The following ARHGAP21 variants were observed in gnomAD, a reference collection of about 807,000 sequenced individuals.
The protein encoded by ARHGAP21 is rho GTPase-activating protein 21.
ARHGAP21 carries 38 observed loss-of-function variants against 164.6 expected under a neutral mutation model. That is an observed-to-expected ratio of 0.23 (90% CI 0.18 to 0.30). The LOEUF is 0.30. Among genes scored for constraint, ARHGAP21 ranks in the 10% least tolerant of loss-of-function variants. The probability of loss-of-function intolerance (pLI) is 1.00; values close to 1 mark genes in which losing one functional copy is unlikely to be tolerated. For synonymous variants in ARHGAP21, 766 were observed against 857.9 expected (o/e 0.89, Z 1.87); for missense variants, 1,822 against 2,370.7 (o/e 0.77, Z 4.81).
At chr10:24,642,864 C>A (rs947653763) in intron 4 of ARHGAP21, among the ~76,000 whole-genome samples, 2 of 152,142 alleles carry the variant, frequency 1.3e-5, no homozygotes, top group African/African-American at 4.8e-5. Context: ...CTCCAGCACA[C>A]AGAACACTGC....
At chr10:24,660,205 T>C (rs1311223984) in intron 4 of ARHGAP21, among the ~76,000 whole-genome samples, 5 of 151,692 alleles carry the variant, frequency 3.3e-5, no homozygotes, top group Admixed American at 3.3e-4. Context: ...GAAACTCAAA[T>C]AGTTTAAATG....
In ARHGAP21 at chr10:24,600,937, A is replaced by G; in HGVS notation, c.2848-7T>C. 6.2e-7 allele frequency: 1 copy of G among 1,607,752 alleles called. No homozygotes were observed. Among genetic ancestry groups the G allele is most frequent in the Non-Finnish European group, 8.5e-7 (1 of 1,175,238 alleles). ...GAATACTTCCACCAACTCGCTAGAAAACATGCGACAGTTCTTTAATAGTCA... is the reference window on the plus strand; with the variant it reads ...GAATACTTCCACCAACTCGCTAGAAGACATGCGACAGTTCTTTAATAGTCA... On this transcript the variant is annotated splice_polypyrimidine_tract_variant and splice_region_variant and intron_variant, in intron 13 of 25. Coordinates refer to ENST00000396432, the MANE Select transcript of ARHGAP21 (RefSeq NM_020824.4).
chr10:24,708,428 A>G lies in ARHGAP21; in HGVS notation c.63+13409T>C, dbSNP rs1844449630. Reference sequence around the variant, plus strand: ...CTGGCTGATCCCATGGCTCAACTCTATTATTATTATTTGTACAAATTTATG... The same window carrying G: ...CTGGCTGATCCCATGGCTCAACTCTGTTATTATTATTTGTACAAATTTATG... On this transcript the variant is annotated intron_variant, in intron 2 of 25. Coordinates refer to ENST00000396432, the MANE Select transcript of ARHGAP21 (RefSeq NM_020824.4). 3.9e-5 allele frequency among the ~76,000 whole-genome samples: 6 copies of G among 152,232 alleles called. No individual in the cohort carries two copies. In the South Asian group the frequency reaches 1.2e-3, roughly 32 times the overall value.
At chr10:24,675,027 A>G (rs373009509) in intron 2 of ARHGAP21, among the ~76,000 whole-genome samples, 2 of 152,222 alleles carry the variant, frequency 1.3e-5, no homozygotes, top group African/African-American at 4.8e-5. Context: ...ACAGTCTGAC[A>G]GTTTCTTAAG....
intron 3 of ARHGAP21, among the ~76,000 whole-genome samples, chr10:24,668,283 T>A (rs1840383771): frequency 6.6e-6 from 1 of 152,142 alleles, no homozygotes; most frequent in African/African-American, 2.4e-5. Context: ...ACGAGAAAAA[T>A]TAATTCCCCA....
At chr10:24,700,239 C>T (rs1257313225) in intron 2 of ARHGAP21, among the ~76,000 whole-genome samples, 2 of 152,188 alleles carry the variant, frequency 1.3e-5, no homozygotes, top group Non-Finnish European at 2.9e-5. Flanking sequence ...TCTGCTCATC[C>T]CATATGCACC....
intron 4 of ARHGAP21, among the ~76,000 whole-genome samples, chr10:24,646,135 T>C (rs1262455622): frequency 6.6e-6 from 1 of 152,248 alleles, no homozygotes; most frequent in African/African-American, 2.4e-5. Context: ...TATTCTGTTT[T>C]TATAGCAAAG....
rs753880080 is a variant in ARHGAP21 at position 24,619,517 on chromosome 10, C to T, written c.2378G>A (p.Ser793Asn). 2 of 1,614,098 alleles carry T rather than the reference C, an allele frequency of 1.2e-6. No individual in the cohort carries two copies. The highest frequency in any genetic ancestry group is 1.7e-6 in the Non-Finnish European group (2 of 1,180,024). ...CAAAGAATCGCCAGGCGGACTGGTACTCGAGGCTTTTCTTTCCTCCATTCT... is the reference window on the plus strand; with the variant it reads ...CAAAGAATCGCCAGGCGGACTGGTATTCGAGGCTTTTCTTTCCTCCATTCT... The part of the protein sequence containing the change: ...IKRMEERKAS[S>N]TSPPGDSLAS... The change falls in exon 9 of 26, where the codon AGT becomes AAT. Residue 793 changes from serine (S) to asparagine (N), a missense_variant. Ser to Asn is a conservative substitution (Grantham distance 46). Transcript: ENST00000396432.
At position 24,585,333 on chromosome 10, in the gene ARHGAP21, C is replaced by T. The variant is rs1564942209; in HGVS notation, c.4956G>A (p.Arg1652=). ...PVFPTALTSE[R]LFRGKLQEVT... is the part of the protein sequence containing the mutation. ...CTTCTTGCAGTTTTCCTCGGAAAAG[C>T]CTCTCTGAAGTCAAGGCTGTGGGGA... is the stretch of plus-strand genomic sequence containing the variant. The change falls in exon 26 of 26, where the codon AGG becomes AGA. Residue 1652 remains arginine (R), a synonymous_variant. Transcript: ENST00000396432. The T allele has an allele frequency of 1.2e-6, 2 of 1,613,136 alleles. No homozygotes were observed. Among genetic ancestry groups the T allele is most frequent in the South Asian group, 2.2e-5 (2 of 91,074 alleles).
At chr10:24,662,509 T>C (rs1839807976) in intron 4 of ARHGAP21, among the ~76,000 whole-genome samples, 1 of 152,184 alleles carries the variant, frequency 6.6e-6, no homozygotes. Flanking sequence ...GATAAAAATA[T>C]GTATTATGAT....
rs61758699 is a variant in ARHGAP21, at chr10:24,619,599, C to T, written c.2296G>A (p.Gly766Arg). Reference sequence around the variant, plus strand: ...GGCAGCCAGCAGGTAGTGTCTGACCCGGTCTCCTGGTCATTTACTGCCAAG... The same window carrying T: ...GGCAGCCAGCAGGTAGTGTCTGACCTGGTCTCCTGGTCATTTACTGCCAAG... ...YILAVNDQETGSDTTCWLPND... is the reference protein window; with the variant it reads ...YILAVNDQETRSDTTCWLPND... Residue 766 changes from glycine (G) to arginine (R), a missense_variant, in exon 9 of 26, where the codon GGG (glycine) becomes AGG (arginine). Gly to Arg is a moderately radical substitution (Grantham distance 125). Transcript: ENST00000396432. 9,377 of 1,614,100 alleles carry T rather than the reference C, an allele frequency of 5.8e-3. 25 individuals are homozygous for T. The highest frequency in any genetic ancestry group is 7.1e-3 in the Non-Finnish European group (8,429 of 1,179,996).
rs370000857 is a variant in ARHGAP21 at position 24,585,862 on chromosome 10, T to C, written c.4427A>G (p.Glu1476Gly). The C allele has an allele frequency of 6.0e-5, 97 of 1,613,928 alleles. No homozygotes were observed. Among genetic ancestry groups the C allele is most frequent in the Non-Finnish European group, 8.1e-5 (96 of 1,179,906 alleles). Residue 1476 changes from glutamate (E) to glycine (G), a missense_variant, in exon 26 of 26, where the codon GAA (glutamate) becomes GGA (glycine). By Grantham distance (98) the Glu-to-Gly change is moderately conservative (BLOSUM62 -2). This residue lies in a region of ARHGAP21 where 333 missense variants were observed against 383.9 expected (regional missense o/e 0.87). Transcript: ENST00000396432. Reference protein sequence around the residue: ...GRKQKIIIAKENSTRKDPSTT... With the variant: ...GRKQKIIIAKGNSTRKDPSTT... ...GCTGGGGTCTTTCCTAGTGCTGTTT[T>C]CTTTGGCAATGATGATCTTCTGTTT...
At chr10:24,596,515 C>A in intron 17 of ARHGAP21, 1 of 596,494 alleles carries the variant, frequency 1.7e-6, no homozygotes, top group Non-Finnish European at 2.8e-6. Flanking sequence ...TTCTTACAGA[C>A]CATTTCAGAC....
rs552050962 is a variant in ARHGAP21 at position 24,613,671 on chromosome 10, C to T, written c.2423-5768G>A. ...ATGGCAAGATGGCAGTCAGTGCTGA[C>T]GATGAGGGAGTGGAGTTGTAAATCC... On this transcript the variant is annotated intron_variant, in intron 9 of 25. Coordinates refer to ENST00000396432, the MANE Select transcript of ARHGAP21 (RefSeq NM_020824.4). Among the ~76,000 whole-genome samples the T allele has an allele frequency of 1.1e-3, 169 of 152,184 alleles. 1 individual carries two copies. The highest frequency in any genetic ancestry group is 2.2e-3 in the Non-Finnish European group (147 of 68,002).
At chr10:24,592,155 G>GTT in intron 21 of ARHGAP21, 143 bp from the exon 22 acceptor site, 1 of 295,968 alleles carries the variant, frequency 3.4e-6, no homozygotes, top group Non-Finnish European at 5.4e-6. Context: ...TTTCTAGCAA[G>GTT]ATTTTTTTTT....
At chr10:24,655,549 CG>C (rs1275562425) in intron 4 of ARHGAP21, among the ~76,000 whole-genome samples, 4 of 152,008 alleles carry the variant, frequency 2.6e-5, no homozygotes, top group African/African-American at 7.2e-5. Flanking sequence ...GAGGAGCGGA[CG>C]GGCCCCGCGG....
intron 2 of ARHGAP21, among the ~76,000 whole-genome samples, chr10:24,689,870 ATATACATG>A (rs1222481530): frequency 4.7e-5 from 7 of 148,298 alleles, no homozygotes; most frequent in African/African-American, 1.7e-4. Context: ...GTATGTGTAT[ATATACATG>A]TATATATGTA....
intron 14 of ARHGAP21, 118 bp downstream of exon 14, chr10:24,600,528 T>C (rs2076771769): frequency 4.7e-6 from 6 of 1,270,036 alleles, no homozygotes; most frequent in Middle Eastern, 4.0e-4. Flanking sequence ...TCAACTGTTT[T>C]ACATGAAAAT....
chr10:24,660,097 T>G (rs1839520304), intron 4 of ARHGAP21, among the ~76,000 whole-genome samples: 3 of 152,062 alleles, frequency 2.0e-5, no homozygotes, highest in Non-Finnish European at 2.9e-5. Flanking sequence ...TCCTAAAATA[T>G]CCTCAAGAAT....
Sources: allele counts gnomAD v4.1 joint callset (sites outside exome capture counted in the v4.1 genomes callset), GRCh38; gene constraint gnomAD v4.1.1; regional missense constraint gnomAD v4.1.1; transcripts MANE v1.5; gene names NCBI Gene and HGNC (gene_info 2026-07-23, HGNC 2026-07-21).